Variants in NAALADL2 observed in about 807,000 individuals in gnomAD.
The protein encoded by NAALADL2 is inactive N-acetylated-alpha-linked acidic dipeptidase-like protein 2.
A neutral mutation model predicts 87.2 loss-of-function variants in NAALADL2; 76 were observed. The ratio of observed to expected loss-of-function variants is 0.87; its 90% confidence interval spans 0.72 to 1.05. NAALADL2 has a LOEUF of 1.05. Among genes scored for constraint, NAALADL2 ranks in the 50% least tolerant of loss-of-function variants. The probability of loss-of-function intolerance (pLI) is 0.00; values close to 1 mark genes in which losing one functional copy is unlikely to be tolerated. For missense variants in NAALADL2, 1,089 were observed against 945.8 expected (o/e 1.15, Z -1.99); for synonymous variants, 354 against 331.0 (o/e 1.07, Z -0.75).
intron 1 of NAALADL2, among the ~76,000 whole-genome samples, chr3:174,997,624 A>C (rs1039640297): frequency 5.9e-5 from 9 of 152,102 alleles, no homozygotes. Flanking sequence ...CAGGGGTTCA[A>C]GACCAGCCTG....
chr3:175,448,672 G>A (rs1331459550), intron 6 of NAALADL2, among the ~76,000 whole-genome samples: 2 of 151,994 alleles, frequency 1.3e-5, no homozygotes, highest in African/African-American at 2.4e-5. Context: ...TATGATATGT[G>A]TATCAATTCT....
intron 3 of NAALADL2, among the ~76,000 whole-genome samples, chr3:174,791,832 C>A (rs1318817411): frequency 6.6e-6 from 1 of 152,064 alleles, no homozygotes; most frequent in Admixed American, 6.6e-5. Flanking sequence ...GGACAAAAAT[C>A]ATTATTCTAT....
At chr3:175,657,262 G>A (rs1316381922) in intron 11 of NAALADL2, among the ~76,000 whole-genome samples, 3 of 151,958 alleles carry the variant, frequency 2.0e-5, no homozygotes, top group African/African-American at 4.8e-5. Flanking sequence ...CTATTTAAGT[G>A]AATAAATAAA....
At chr3:174,857,015 G>A (rs898312520), upstream of NAALADL2, among the ~76,000 whole-genome samples, 1 of 152,064 alleles carries the variant, frequency 6.6e-6, no homozygotes, top group Non-Finnish European at 1.5e-5. Flanking sequence ...GAGGTTAAGG[G>A]GGCCTACTGT....
intron 11 of NAALADL2, among the ~76,000 whole-genome samples, chr3:175,708,995 C>A (rs2149994131): frequency 6.6e-6 from 1 of 151,954 alleles, no homozygotes; most frequent in East Asian, 1.9e-4. Flanking sequence ...TTTACAACAG[C>A]TTACATGGAG....
At chr3:175,679,501 G>A (rs1735300787) in intron 11 of NAALADL2, among the ~76,000 whole-genome samples, 1 of 152,110 alleles carries the variant, frequency 6.6e-6, no homozygotes, top group Non-Finnish European at 1.5e-5. Flanking sequence ...TTGCTCTTCT[G>A]TATAGTCTTC....
chr3:174,816,689 A>G (rs1054708910), intron 3 of NAALADL2, among the ~76,000 whole-genome samples: 1 of 152,034 alleles, frequency 6.6e-6, no homozygotes, highest in Admixed American at 6.6e-5. Context: ...GTTAATTCTA[A>G]TCCAGGTATA....
rs1243298750 is a variant in NAALADL2, at chr3:175,126,137, T to C, written c.545+28846T>C. On this transcript the variant is annotated intron_variant, in intron 2 of 13. Coordinates refer to ENST00000454872, the MANE Select transcript of NAALADL2 (RefSeq NM_207015.3). ...GTATGGGAGAAGGAGTAATTGGTGA[T>C]TGCAACAAGAATAGTTTCTGGGGGG... 2.0e-5 allele frequency among the ~76,000 whole-genome samples: 3 copies of C among 152,036 alleles called. No individual in the cohort carries two copies. The East Asian group carries it at 5.8e-4, about 29-fold the overall frequency.
At chr3:174,614,146 G>T (rs537126996) in intron 2 of NAALADL2, among the ~76,000 whole-genome samples, 2 of 152,220 alleles carry the variant, frequency 1.3e-5, no homozygotes, top group African/African-American at 4.8e-5. Flanking sequence ...TTCAGCCTTG[G>T]GTTTGGGGAG....
At chr3:175,517,042 AAT>A (rs1334985885) in intron 9 of NAALADL2, among the ~76,000 whole-genome samples, 15 of 152,166 alleles carry the variant, frequency 9.9e-5, no homozygotes, top group African/African-American at 3.6e-4. Context: ...AGTACAATAA[AAT>A]AGTCTTTAAT....
chr3:175,554,542 T>C (rs1032984051), intron 9 of NAALADL2, among the ~76,000 whole-genome samples: 7 of 152,108 alleles, frequency 4.6e-5, no homozygotes, highest in African/African-American at 1.7e-4. Flanking sequence ...ATAGTCAGTA[T>C]CTTTATGTAA....
chr3:174,921,523 C>T (rs1007149523), intron 1 of NAALADL2, among the ~76,000 whole-genome samples: 30 of 151,816 alleles, frequency 2.0e-4, no homozygotes, highest in Non-Finnish European at 3.1e-4. Flanking sequence ...TTCTAAGGGC[C>T]TGGCGCGGTG....
chr3:174,720,325 A>G (rs1731589666), intron 2 of NAALADL2, among the ~76,000 whole-genome samples: 1 of 152,174 alleles, frequency 6.6e-6, no homozygotes, highest in Non-Finnish European at 1.5e-5. Context: ...AGGAAAAGAC[A>G]CTGACATGGC....
chr3:174,581,277 A>C (rs555914190), intron 2 of NAALADL2, among the ~76,000 whole-genome samples: 1 of 152,282 alleles, frequency 6.6e-6, no homozygotes, highest in Non-Finnish European at 1.5e-5. Context: ...AGGGCAAATT[A>C]TTCAAAATGT....
At chr3:175,192,587 C>T (rs1298199377) in intron 2 of NAALADL2, among the ~76,000 whole-genome samples, 2 of 151,824 alleles carry the variant, frequency 1.3e-5, no homozygotes, top group Non-Finnish European at 2.9e-5. Context: ...AATGGATTGG[C>T]TACCAAAGGT....
At chr3:175,027,291 T>C (rs937836162) in intron 1 of NAALADL2, among the ~76,000 whole-genome samples, 2 of 152,084 alleles carry the variant, frequency 1.3e-5, no homozygotes, top group Admixed American at 6.6e-5. Flanking sequence ...AGTAACTTCT[T>C]AAATGCTCCC....
At chr3:175,201,810 A>C (rs1450912747) in intron 2 of NAALADL2, among the ~76,000 whole-genome samples, 1 of 151,884 alleles carries the variant, frequency 6.6e-6, no homozygotes, top group East Asian at 1.9e-4. Context: ...AAAAAAAACA[A>C]ATTTGCAAAA....
At position 174,958,943 on chromosome 3, in the gene NAALADL2, T is replaced by G. The variant is rs182177601; in HGVS notation, c.43+99493T>G. On this transcript the variant is annotated intron_variant, in intron 1 of 13. Transcript: ENST00000454872. ...TGCAATCAATTGTTTATGTAATAAC[T>G]ATCATTCAAAAAGTAATTATTTCCG... Among the ~76,000 whole-genome samples, 37 of 152,230 alleles carry G rather than the reference T, an allele frequency of 2.4e-4. No homozygotes were observed. The East Asian group carries it at 6.4e-3, about 26-fold the overall frequency.
At chr3:174,610,802 A>G (rs2108638818) in intron 2 of NAALADL2, among the ~76,000 whole-genome samples, 1 of 152,300 alleles carries the variant, frequency 6.6e-6, no homozygotes, top group African/African-American at 2.4e-5. Flanking sequence ...TGACCCAGCC[A>G]TCCCATTACT....
Sources: gnomAD v4.1 joint callset for allele counts (sites outside exome capture counted in the v4.1 genomes callset) on GRCh38, gnomAD v4.1.1 for gene constraint, MANE v1.5 for transcripts, NCBI Gene and HGNC (gene_info 2026-07-23, HGNC 2026-07-21) for gene names.